The following IL13RA1 variants were observed in gnomAD, a reference collection of about 807,000 sequenced individuals.
IL13RA1 encodes interleukin-13 receptor subunit alpha-1.
IL13RA1 carries 14 observed loss-of-function variants against 33.8 expected under a neutral mutation model. The observed-to-expected ratio is 0.41, with a 90% confidence interval of 0.27 to 0.65. The LOEUF is 0.65. Among genes scored for constraint, IL13RA1 ranks in the 30% least tolerant of loss-of-function variants. IL13RA1 has a pLI of 0.28. For missense variants in IL13RA1, 313 were observed against 327.0 expected, an observed-to-expected ratio of 0.96 and a Z score of 0.33; for synonymous variants, 116 against 115.7, an observed-to-expected ratio of 1.00 and a Z score of -0.02.
intron 1 of IL13RA1, among the ~76,000 whole-genome samples, chrX:118,728,700 C>T (rs369446354): frequency 2.6e-4 from 29 of 112,174 alleles, no homozygotes; most frequent in African/African-American, 9.1e-4. Context: ...GATTAGGAAA[C>T]CTTAATGCCC....
chrX:118,737,008 C>T (rs944800401), intron 1 of IL13RA1, among the ~76,000 whole-genome samples: 5 of 112,599 alleles, frequency 4.4e-5, no homozygotes, highest in African/African-American at 9.7e-5. Flanking sequence ...AAGGGAAGAG[C>T]GCCATTCTTT....
rs1169419121 is a variant in IL13RA1 at position 118,784,782 on chromosome X, A to C, written c.1192-6980A>C. ...GTCATTTTGGCAAAATATAAAATCCATGGCTCATAGGTCCTGCGTTGCGTA... is the reference window on the plus strand; with the variant it reads ...GTCATTTTGGCAAAATATAAAATCCCTGGCTCATAGGTCCTGCGTTGCGTA... On this transcript the variant is annotated intron_variant, in intron 10 of 10. Coordinates refer to ENST00000371666, the MANE Select transcript of IL13RA1 (RefSeq NM_001560.3). 2.7e-5 allele frequency among the ~76,000 whole-genome samples: 3 copies of C among 111,991 alleles called. No individual in the cohort carries two copies. In the East Asian group the frequency reaches 8.4e-4, roughly 31 times the overall value.
the IL13RA1 span, among the ~76,000 whole-genome samples, chrX:118,801,963 C>A: frequency 9.0e-6 from 1 of 110,861 alleles, no homozygotes; most frequent in Non-Finnish European, 1.9e-5. Flanking sequence ...TTTCTTTTTT[C>A]TTTTCTTTTT....
At chrX:118,768,756 C>A (rs1281854833) in intron 8 of IL13RA1, among the ~76,000 whole-genome samples, 1 of 111,533 alleles carries the variant, frequency 9.0e-6, no homozygotes, top group African/African-American at 3.3e-5. Flanking sequence ...GCAGCTACAA[C>A]CAAGGAACAA....
chrX:118,755,038 T>G (rs1469351344), intron 4 of IL13RA1, among the ~76,000 whole-genome samples: 1 of 101,867 alleles, frequency 9.8e-6, no homozygotes, highest in Non-Finnish European at 2.0e-5. Flanking sequence ...AGCCTCTGCC[T>G]CCCGAGTTCC....
chrX:118,804,576 A>G, the IL13RA1 span, among the ~76,000 whole-genome samples: 1 of 112,334 alleles, frequency 8.9e-6, no homozygotes, highest in Admixed American at 9.4e-5. Flanking sequence ...GTACTTCAGC[A>G]TGGATTAATT....
the IL13RA1 span, among the ~76,000 whole-genome samples, chrX:118,800,164 A>G: frequency 9.0e-6 from 1 of 111,426 alleles, no homozygotes; most frequent in South Asian, 3.8e-4. Flanking sequence ...TAAACGTACC[A>G]ATAAGTGCCC....
At chrX:118,763,513 A>G (rs1271103003) in intron 6 of IL13RA1, among the ~76,000 whole-genome samples, 1 of 112,646 alleles carries the variant, frequency 8.9e-6, no homozygotes, top group African/African-American at 3.2e-5. Flanking sequence ...GAACACCTCA[A>G]TACTTCCTCT....
intron 1 of IL13RA1, among the ~76,000 whole-genome samples, chrX:118,734,829 T>C (rs1472437039): frequency 8.9e-6 from 1 of 111,944 alleles, no homozygotes; most frequent in Non-Finnish European, 1.9e-5. Context: ...GCTGGCCTCG[T>C]AGAATGAGTT....
At chrX:118,731,577 CA>C (rs371387309) in intron 1 of IL13RA1, among the ~76,000 whole-genome samples, 13,366 of 53,381 alleles carry the variant, frequency 0.25, 990 homozygotes, top group East Asian at 0.49. Flanking sequence ...ACTCCGTCTC[CA>C]AAAAAAAAAA....
At chrX:118,743,039 C>G (rs756975784) in intron 2 of IL13RA1, among the ~76,000 whole-genome samples, 1 of 111,942 alleles carries the variant, frequency 8.9e-6, no homozygotes, top group East Asian at 2.8e-4. Flanking sequence ...CTGCCTAAGG[C>G]CAGCTCATTC....
chrX:118,789,935 A>ATAATT (rs2017958771), intron 10 of IL13RA1, among the ~76,000 whole-genome samples: 1 of 111,765 alleles, frequency 8.9e-6, no homozygotes, highest in African/African-American at 3.2e-5. Context: ...TCAAGGTTAT[A>ATAATT]TAATTTTTTC....
At chrX:118,783,922 C>G (rs1292096436) in intron 10 of IL13RA1, among the ~76,000 whole-genome samples, 2 of 100,701 alleles carry the variant, frequency 2.0e-5, no homozygotes, top group Non-Finnish European at 4.0e-5. Flanking sequence ...ACTAAAAATA[C>G]AAAATTGACC....
At chrX:118,764,354 T>TG (rs2017623462) in intron 6 of IL13RA1, among the ~76,000 whole-genome samples, 1 of 110,017 alleles carries the variant, frequency 9.1e-6, no homozygotes, top group African/African-American at 3.3e-5. Context: ...ATATGGGAGA[T>TG]GGTCCAGGGG....
At chrX:118,756,755 G>T (rs2147379577) in intron 4 of IL13RA1, among the ~76,000 whole-genome samples, 1 of 112,067 alleles carries the variant, frequency 8.9e-6, no homozygotes, top group African/African-American at 3.2e-5. Flanking sequence ...CAAAGAAAAT[G>T]AGCTCTGGCT....
At chrX:118,784,077 CA>C (rs376419026) in intron 10 of IL13RA1, among the ~76,000 whole-genome samples, 877 of 25,280 alleles carry the variant, frequency 0.035, 28 homozygotes, top group Middle Eastern at 0.091. Flanking sequence ...ACTCTGTCGC[CA>C]AAAAAAAAAA....
Position 118,754,530 on chromosome X carries a change from A to G in IL13RA1, c.489-3525A>G, listed in dbSNP as rs982081249. On this transcript the variant is annotated intron_variant, in intron 4 of 10. Transcript: ENST00000371666. ...CGGGCACCTGTAGTCCCAGCTACTC[A>G]GGAGGCTGAGGCAGGAGAATGGTGT... 9.9e-4 allele frequency among the ~76,000 whole-genome samples: 109 copies of G among 109,985 alleles called. 1 individual carries two copies. Among genetic ancestry groups the G allele is most frequent in the African/African-American group, 3.1e-3 (94 of 30,206 alleles).
chrX:118,800,479 G>A, the IL13RA1 span, among the ~76,000 whole-genome samples: 5 of 110,666 alleles, frequency 4.5e-5, no homozygotes, highest in Non-Finnish European at 9.5e-5. Flanking sequence ...GCCAAGGTCT[G>A]CAGCTTCACT....
chrX:118,766,888 G>T lies in IL13RA1; in HGVS notation c.921G>T (p.Leu307Phe). The change falls in exon 8 of 11, where the codon TTG (leucine) becomes TTT (phenylalanine). Residue 307 changes from leucine (L) to phenylalanine (F), a missense_variant. Physicochemically the swap from Leu to Phe is conservative, Grantham distance 22. Transcript: ENST00000371666. ...FMVPGVLPDT[L>F]NTVRIRVKTN... ...TCCCTGGTGTTCTTCCTGATACTTT[G>T]AACACAGTCAGAATAAGAGTCAAAA... 1 of 1,081,323 alleles carries T rather than the reference G, an allele frequency of 9.2e-7. No individual in the cohort carries two copies. Among genetic ancestry groups the T allele is most frequent in the South Asian group, 1.9e-5 (1 of 51,776 alleles). 89.1% of individuals were successfully genotyped at this position (1,081,323 alleles called of 1,213,427 possible).
Sources: allele counts gnomAD v4.1 joint callset (sites outside exome capture counted in the v4.1 genomes callset), GRCh38; gene constraint gnomAD v4.1.1; transcripts MANE v1.5; gene names NCBI Gene and HGNC (gene_info 2026-07-23, HGNC 2026-07-21).